STK24: variants seen among roughly 807,000 people sequenced by gnomAD.
STK24 encodes serine/threonine kinase 24.
STK24 carries 21 observed loss-of-function variants against 55.6 expected under a neutral mutation model. The ratio of observed to expected loss-of-function variants is 0.38; its 90% confidence interval spans 0.27 to 0.54. The LOEUF (loss-of-function observed/expected upper bound fraction) is 0.54, where lower values mean the gene tolerates loss of function less well. STK24 is among the 20% of genes least tolerant of loss of function. The pLI is 0.79. For missense variants in STK24, 383 were observed against 538.4 expected, an observed-to-expected ratio of 0.71 and a Z score of 2.86; for synonymous variants, 200 against 215.2, an observed-to-expected ratio of 0.93 and a Z score of 0.62.
chr13:98,524,569 C>T (rs1896367991), intron 1 of STK24, among the ~76,000 whole-genome samples: 1 of 152,228 alleles, frequency 6.6e-6, no homozygotes, highest in Non-Finnish European at 1.5e-5. Context: ...GCACCTCAGC[C>T]AGGCGGGTGG....
chr13:98,516,084 G>A (rs1347443452), intron 2 of STK24, among the ~76,000 whole-genome samples: 1 of 152,180 alleles, frequency 6.6e-6, no homozygotes, highest in Non-Finnish European at 1.5e-5. Flanking sequence ...ACTCAGGAGG[G>A]TCCCCTTCTG....
intron 1 of STK24, among the ~76,000 whole-genome samples, chr13:98,550,961 AT>A (rs1199521669): frequency 6.6e-6 from 1 of 152,136 alleles, no homozygotes; most frequent in African/African-American, 2.4e-5. Flanking sequence ...AAAAAAAAAA[AT>A]ACATGCATAT....
chr13:98,523,947 C>T (rs1594638677), intron 1 of STK24, among the ~76,000 whole-genome samples: 1 of 152,134 alleles, frequency 6.6e-6, no homozygotes, highest in East Asian at 1.9e-4. Flanking sequence ...CCATCCCTGC[C>T]CTCTTTGAAG....
At chr13:98,515,062 ACT>A (rs762666801) in intron 2 of STK24, among the ~76,000 whole-genome samples, 4 of 150,896 alleles carry the variant, frequency 2.7e-5, no homozygotes, top group African/African-American at 7.3e-5. Flanking sequence ...CAATATGGAC[ACT>A]CTGATAGAAT....
intron 1 of STK24, among the ~76,000 whole-genome samples, chr13:98,571,638 T>C (rs1022726173): frequency 1.3e-5 from 2 of 152,218 alleles, no homozygotes; most frequent in African/African-American, 4.8e-5. Flanking sequence ...AAATAGGTTT[T>C]TTGTTTTTTT....
chr13:98,545,772 C>A (rs558568512), intron 1 of STK24, among the ~76,000 whole-genome samples: 34 of 152,058 alleles, frequency 2.2e-4, no homozygotes, highest in African/African-American at 7.5e-4. Flanking sequence ...AAGCTAAAAG[C>A]GGCAAATGTC....
At chr13:98,526,131 C>T (rs61969459) in intron 1 of STK24, among the ~76,000 whole-genome samples, 27,860 of 152,174 alleles carry the variant, frequency 0.18, 2,760 homozygotes, top group Non-Finnish European at 0.23. Flanking sequence ...GCTTTCGAAA[C>T]AGGTCCGTCT....
chr13:98,491,506 G>A (rs1201554032), intron 2 of STK24, among the ~76,000 whole-genome samples: 1 of 152,084 alleles, frequency 6.6e-6, no homozygotes, highest in African/African-American at 2.4e-5. Context: ...ATAACACAAA[G>A]AGGAACAAAA....
rs116359527 is a variant in STK24, at chr13:98,529,299, G to C, written c.43-9826C>G. ...CAAACCGCGTCATGGTTCTTCCGAAGCGTCTCTCCATCCAGCCCCTTCCAG... is the reference window on the plus strand; with the variant it reads ...CAAACCGCGTCATGGTTCTTCCGAACCGTCTCTCCATCCAGCCCCTTCCAG... On this transcript the variant is annotated intron_variant, in intron 1 of 10. Transcript: ENST00000539966. Among the ~76,000 whole-genome samples, 1,069 of 152,236 alleles carry C rather than the reference G, an allele frequency of 7.0e-3. 12 individuals are homozygous for C. Among genetic ancestry groups the C allele is most frequent in the African/African-American group, 0.024 (1,016 of 41,528 alleles).
intron 1 of STK24, among the ~76,000 whole-genome samples, chr13:98,555,681 C>CT (rs371915680): frequency 0.16 from 20,630 of 129,232 alleles, 2,164 homozygotes; most frequent in South Asian, 0.2. Context: ...GCCTCCCTGT[C>CT]TTTTTTTTTT....
intron 1 of STK24, among the ~76,000 whole-genome samples, chr13:98,542,142 T>A (rs1896905386): frequency 6.6e-6 from 1 of 152,212 alleles, no homozygotes; most frequent in South Asian, 2.1e-4. Context: ...TGCGTTATTT[T>A]CTGGACATGG....
intron 6 of STK24, among the ~76,000 whole-genome samples, chr13:98,464,754 C>T (rs1470711702): frequency 2.0e-5 from 3 of 152,002 alleles, no homozygotes; most frequent in Admixed American, 1.3e-4. Flanking sequence ...GCCTCGGCCT[C>T]CCAAAGTGCT....
intron 1 of STK24, among the ~76,000 whole-genome samples, chr13:98,526,008 C>T (rs1002550126): frequency 1.3e-5 from 2 of 152,190 alleles, no homozygotes; most frequent in Non-Finnish European, 2.9e-5. Flanking sequence ...ACCTGAAGGA[C>T]AGGCTTTGGT....
intron 1 of STK24, among the ~76,000 whole-genome samples, chr13:98,530,305 C>T (rs1185355100): frequency 1.3e-5 from 2 of 152,142 alleles, no homozygotes; most frequent in African/African-American, 2.4e-5. Context: ...AAGGCAGCTC[C>T]GTTTTTACCC....
chr13:98,478,240 AC>A (rs1404701567), intron 3 of STK24, among the ~76,000 whole-genome samples: 3 of 152,034 alleles, frequency 2.0e-5, no homozygotes, highest in African/African-American at 7.2e-5. Context: ...AACCTAGACC[AC>A]ATCCCACCTC....
At chr13:98,489,306 G>A (rs1026638841) in intron 2 of STK24, among the ~76,000 whole-genome samples, 8 of 152,180 alleles carry the variant, frequency 5.3e-5, no homozygotes, top group South Asian at 2.1e-4. Flanking sequence ...TTGCGAACCC[G>A]GAAGAAATCC....
chr13:98,521,616 C>T (rs113090692), intron 1 of STK24, among the ~76,000 whole-genome samples: 7 of 152,146 alleles, frequency 4.6e-5, no homozygotes, highest in African/African-American at 9.7e-5. Flanking sequence ...CCCCTACACG[C>T]GGCCTTGAAC....
rs143530448 is a variant in STK24 at position 98,563,792 on chromosome 13, G to A, written c.42+12953C>T. 1.7e-3 allele frequency among the ~76,000 whole-genome samples: 264 copies of A among 151,954 alleles called. No individual in the cohort carries two copies. The East Asian group carries it at 0.029, about 17-fold the overall frequency. ...GGAGAATGGCATGAACCTGGGAGGC[G>A]GAGCTTGTAGTGAGCTGAGATCGCG... On this transcript the variant is annotated intron_variant, in intron 1 of 10. Transcript: ENST00000539966.
intron 4 of STK24, 35 bp downstream of exon 4, chr13:98,475,215 G>C: frequency 6.4e-7 from 1 of 1,558,300 alleles, no homozygotes; most frequent in Non-Finnish European, 8.8e-7. Flanking sequence ...ACCACCTTCA[G>C]TATTTCAAAG....
Sources: allele counts gnomAD v4.1 joint callset (sites outside exome capture counted in the v4.1 genomes callset), GRCh38; gene constraint gnomAD v4.1.1; transcripts MANE v1.5; gene names NCBI Gene and HGNC (gene_info 2026-07-23, HGNC 2026-07-21).